The following FSIP1 variants were observed in gnomAD, a reference collection of about 807,000 sequenced individuals.
FSIP1 encodes fibrous sheath interacting protein 1, also known as fibrous sheath-interacting protein 1.
In FSIP1, 65 loss-of-function variants were observed where a neutral mutation model predicts 60.9. The ratio of observed to expected loss-of-function variants is 1.07; its 90% CI spans 0.87 to 1.31. FSIP1 has a LOEUF of 1.31. Ranked by LOEUF, FSIP1 falls within the 40% of genes most tolerant of loss-of-function variation. FSIP1 has a pLI of 0.00. For synonymous variants in FSIP1, 209 were observed against 221.2 expected (o/e 0.94, Z 0.49); for missense variants, 675 against 665.5 (o/e 1.01, Z -0.16).
intron 10 of FSIP1, among the ~76,000 whole-genome samples, chr15:39,703,305 C>T (rs975742050): frequency 1.3e-5 from 2 of 152,118 alleles, no homozygotes; most frequent in Non-Finnish European, 2.9e-5. Flanking sequence ...TTTAAGGTGC[C>T]TCTCAAGATA....
intron 1 of FSIP1, 72 bp from the exon 2 acceptor site, chr15:39,776,603 A>G: frequency 7.6e-7 from 1 of 1,310,990 alleles, no homozygotes; most frequent in Non-Finnish European, 1.1e-6. Flanking sequence ...TAGTATTAAT[A>G]TCCAATTACT....
intron 8 of FSIP1, among the ~76,000 whole-genome samples, chr15:39,735,980 T>C (rs1033790847): frequency 3.3e-5 from 5 of 152,246 alleles, no homozygotes; most frequent in African/African-American, 7.2e-5. Flanking sequence ...TCATCTCCTA[T>C]GATAACAATG....
intron 10 of FSIP1, among the ~76,000 whole-genome samples, chr15:39,666,739 G>T (rs887497984): frequency 2.0e-5 from 3 of 152,136 alleles, no homozygotes; most frequent in African/African-American, 7.2e-5. Context: ...TTTTTAGGAT[G>T]CCTTTGGAAT....
At chr15:39,765,493 C>G (rs1897653188) in intron 4 of FSIP1, 99 bp downstream of exon 4, 7 of 829,358 alleles carry the variant, frequency 8.4e-6, no homozygotes, top group Non-Finnish European at 1.3e-5. Flanking sequence ...ATCCTCCTGC[C>G]TCAGCCTCCC....
intron 10 of FSIP1, among the ~76,000 whole-genome samples, chr15:39,673,703 T>G (rs1011933796): frequency 1.3e-5 from 2 of 152,212 alleles, no homozygotes; most frequent in African/African-American, 2.4e-5. Context: ...TGTATTTGTA[T>G]GTTTTAGATA....
chr15:39,632,240 C>T (rs1301525263), intron 10 of FSIP1, among the ~76,000 whole-genome samples: 1 of 152,106 alleles, frequency 6.6e-6, no homozygotes, highest in Non-Finnish European at 1.5e-5. Flanking sequence ...TGCAGTGGCT[C>T]AATCTTGGCT....
intron 5 of FSIP1, among the ~76,000 whole-genome samples, chr15:39,749,309 T>C (rs906228105): frequency 6.9e-6 from 1 of 144,614 alleles, no homozygotes; most frequent in African/African-American, 2.6e-5. Context: ...TAACATATTT[T>C]ATGAAGCCAG....
intron 8 of FSIP1, among the ~76,000 whole-genome samples, chr15:39,730,358 T>A (rs1028675626): frequency 1.3e-5 from 2 of 152,184 alleles, no homozygotes; most frequent in Non-Finnish European, 2.9e-5. Flanking sequence ...TCTACAGTGG[T>A]TCAAACCCTG....
chr15:39,624,829 C>T (rs746620023), intron 10 of FSIP1, among the ~76,000 whole-genome samples: 5 of 152,144 alleles, frequency 3.3e-5, no homozygotes, highest in African/African-American at 1.2e-4. Context: ...AATCTGAACT[C>T]TAGTCAAAAA....
Position 39,738,113 on chromosome 15 carries a change from T to A in FSIP1, c.869A>T (p.Asp290Val). 1 of 1,612,074 alleles carries A rather than the reference T, an allele frequency of 6.2e-7. No individual in the cohort carries two copies. Among genetic ancestry groups the A allele is most frequent in the South Asian group, 1.1e-5 (1 of 90,898 alleles). ...VELLKDLDEK[D>V]SGLSSSEGDQ... The stretch of plus-strand genomic sequence containing the variant: ...TACCTCAGAACTGGAGAGCCCGGAA[T>A]CTTTCTCATCCAAGTCCTTCAAAAG... Residue 290 changes from aspartate to valine, a missense_variant, in exon 8 of 12, where the codon GAT (aspartate) becomes GTT (valine). Asp to Val is a radical substitution (Grantham distance 152). Coordinates refer to ENST00000350221, the MANE Select transcript of FSIP1 (RefSeq NM_152597.5).
chr15:39,699,646 T>C (rs377364365), intron 10 of FSIP1, among the ~76,000 whole-genome samples: 1 of 152,214 alleles, frequency 6.6e-6, no homozygotes, highest in East Asian at 1.9e-4. Context: ...TTTATAATTT[T>C]ACTTCCTTCT....
At position 39,759,528 on chromosome 15, in the gene FSIP1, G is replaced by A. The variant is rs369299697; in HGVS notation, c.559+4293C>T. Among the ~76,000 whole-genome samples, 3 of 152,294 alleles carry A rather than the reference G, an allele frequency of 2.0e-5. No individual in the cohort carries two copies. In the East Asian group the frequency reaches 5.8e-4, roughly 29 times the overall value. Reference sequence around the variant, plus strand: ...CAATGTGAATAAAAATCTTGTGAAAGTCCAACCCTGGACTAAGTATTTCTC... The same window carrying A: ...CAATGTGAATAAAAATCTTGTGAAAATCCAACCCTGGACTAAGTATTTCTC... On this transcript the variant is annotated intron_variant, in intron 5 of 11. Transcript: ENST00000350221.
chr15:39,707,578 G>A (rs1475785828), intron 10 of FSIP1, among the ~76,000 whole-genome samples: 1 of 151,812 alleles, frequency 6.6e-6, no homozygotes, highest in African/African-American at 2.4e-5. Context: ...CCCTTATCCT[G>A]GAAACAAGCT....
chr15:39,646,589 G>GGAGACTGA (rs1432605486), intron 10 of FSIP1, among the ~76,000 whole-genome samples: 4 of 146,124 alleles, frequency 2.7e-5, no homozygotes, highest in Admixed American at 6.9e-5. Flanking sequence ...CAGCTACCCT[G>GGAGACTGA]GAGACTGAGA....
chr15:39,740,025 G>A (rs763814154), intron 6 of FSIP1, among the ~76,000 whole-genome samples: 5 of 152,182 alleles, frequency 3.3e-5, no homozygotes, highest in Non-Finnish European at 5.9e-5. Context: ...TCATTATCAT[G>A]TATCAAACTT....
intron 10 of FSIP1, among the ~76,000 whole-genome samples, chr15:39,667,041 C>T (rs1328299311): frequency 1.3e-5 from 2 of 152,098 alleles, no homozygotes; most frequent in African/African-American, 2.4e-5. Context: ...AGACAGTGGG[C>T]GCTGTGAAAA....
At position 39,713,504 on chromosome 15, in the gene FSIP1, G is replaced by A. The variant is rs557574177; in HGVS notation, c.1128C>T (p.Arg376=). 5.6e-5 allele frequency: 90 copies of A among 1,609,818 alleles called. No individual in the cohort carries two copies. The highest frequency in any genetic ancestry group is 3.3e-4 in the Middle Eastern group (2 of 6,052). ...TCTCTCTCAGCCGATTATGCAGATC[G>A]CGTTGCTCTTTGGTGTTCCTAAGTA... ...EKILRNTKEQ[R]DLHNRLREID... is the part of the protein sequence containing the mutation. Residue 376 remains arginine, a synonymous_variant, in exon 10 of 12, where the codon CGC becomes CGT. Coordinates refer to ENST00000350221, the MANE Select transcript of FSIP1 (RefSeq NM_152597.5).
intron 5 of FSIP1, among the ~76,000 whole-genome samples, chr15:39,759,398 C>T (rs1595394259): frequency 1.3e-5 from 2 of 152,064 alleles, no homozygotes; most frequent in East Asian, 3.9e-4. Flanking sequence ...TGTGATTCCA[C>T]TTTAAATAAA....
intron 10 of FSIP1, among the ~76,000 whole-genome samples, chr15:39,620,757 A>AATATATAT (rs35811726): frequency 6.1e-4 from 88 of 144,612 alleles, no homozygotes; most frequent in African/African-American, 2.1e-3. Context: ...ACACCTGGCT[A>AATATATAT]ATATATATAT....
Sources: allele counts gnomAD v4.1 joint callset (sites outside exome capture counted in the v4.1 genomes callset), GRCh38; gene constraint gnomAD v4.1.1; transcripts MANE v1.5; gene names NCBI Gene and HGNC (gene_info 2026-07-23, HGNC 2026-07-21).